Variants in DDI2 observed in about 807,000 individuals in gnomAD.
DDI2 encodes DDI proteasomal shuttling factor 2, also known as protein DDI1 homolog 2.
DDI2 carries 5 observed loss-of-function variants against 48.1 expected under a neutral mutation model. That is an observed-to-expected ratio of 0.10 (90% CI 0.05 to 0.22). DDI2 has a LOEUF of 0.22. DDI2 is among the 10% of genes least tolerant of loss of function. The pLI, the probability that DDI2 is intolerant of heterozygous loss-of-function variation, is 1.00. For missense variants in DDI2, 285 were observed against 506.2 expected (o/e 0.56, Z 4.19); for synonymous variants, 205 against 183.6 (o/e 1.12, Z -0.94).
At position 15,663,089 on chromosome 1, in the gene DDI2, G is replaced by A. The variant is rs1195194564; in HGVS notation, c.*3299G>A. 2 of 152,118 alleles carry A rather than the reference G, an allele frequency of 1.3e-5. No individual in the cohort carries two copies. The highest frequency in any genetic ancestry group is 6.6e-5 in the Admixed American group (1 of 15,264). The allele number at this position is 152,118 out of a possible 1,614,324, so 9.4% of individuals were successfully genotyped here. A position where few individuals can be genotyped will look rare whatever the true frequency, so the allele number is the denominator to read the frequency against. ...GGCAAACTGCTCTTTTGGGTACCTAGCAGGAATCTGAAGTCTTGGTTTTAT... is the reference window on the plus strand; with the variant it reads ...GGCAAACTGCTCTTTTGGGTACCTAACAGGAATCTGAAGTCTTGGTTTTAT... On this transcript the variant is annotated 3_prime_UTR_variant, in exon 10 of 10. Coordinates refer to ENST00000480945, the MANE Select transcript of DDI2 (RefSeq NM_032341.5).
intron 6 of DDI2, among the ~76,000 whole-genome samples, chr1:15,644,796 T>A (rs1640063935): frequency 1.3e-5 from 2 of 151,876 alleles, no homozygotes; most frequent in African/African-American, 4.8e-5. Context: ...GGTTTCACCG[T>A]GTTAGCCAGG....
Position 15,623,338 on chromosome 1 carries a change from G to C in DDI2, c.139-3331G>C, listed in dbSNP as rs74808721. Among the ~76,000 whole-genome samples, 1,279 of 151,080 alleles carry C rather than the reference G, an allele frequency of 8.5e-3. 18 individuals carry two copies. Among genetic ancestry groups the C allele is most frequent in the African/African-American group, 0.029 (1,172 of 41,012 alleles). On this transcript the variant is annotated intron_variant, in intron 1 of 9. Coordinates refer to ENST00000480945, the MANE Select transcript of DDI2 (RefSeq NM_032341.5). ...CGGGAAAGCTGTATATGATACTCCT[G>C]GAGTAATGGGCTTTGAAATTAGACA...
chr1:15,641,910 G>A (rs1016753685), intron 5 of DDI2, among the ~76,000 whole-genome samples: 1 of 138,360 alleles, frequency 7.2e-6, no homozygotes, highest in African/African-American at 2.8e-5. Flanking sequence ...AGCCGAGATT[G>A]CACCATTACA....
chr1:15,624,574 C>A (rs1639722454), intron 1 of DDI2, among the ~76,000 whole-genome samples: 1 of 152,032 alleles, frequency 6.6e-6, no homozygotes, highest in Non-Finnish European at 1.5e-5. Context: ...CTCAAGCAAT[C>A]CTCCTGCCTC....
intron 4 of DDI2, among the ~76,000 whole-genome samples, chr1:15,637,248 G>C (rs927166163): frequency 2.3e-4 from 35 of 152,140 alleles, no homozygotes; most frequent in Non-Finnish European, 8.8e-5. Context: ...GGAGAGATGG[G>C]GTTTCACCAT....
intron 6 of DDI2, among the ~76,000 whole-genome samples, chr1:15,647,988 A>T (rs1003850688): frequency 1.3e-5 from 2 of 152,192 alleles, no homozygotes; most frequent in Non-Finnish European, 2.9e-5. Context: ...TTTTACAAAT[A>T]AAAGAGTGGT....
At chr1:15,654,429 G>A (rs538025245) in intron 8 of DDI2, among the ~76,000 whole-genome samples, 28 of 152,200 alleles carry the variant, frequency 1.8e-4, no homozygotes, top group African/African-American at 5.8e-4. Context: ...AAGGCAGGAC[G>A]ACCACTTGAG....
At chr1:15,645,780 G>T (rs1640081264) in intron 6 of DDI2, among the ~76,000 whole-genome samples, 1 of 151,776 alleles carries the variant, frequency 6.6e-6, no homozygotes, top group Non-Finnish European at 1.5e-5. Context: ...TAAGGCAGGA[G>T]GATTGCTTGA....
rs1172510038 is a variant in DDI2, at chr1:15,638,421, C to T, written c.747C>T (p.Ala249=). The T allele has an allele frequency of 1.2e-6, 2 of 1,613,010 alleles. No individual in the cohort carries two copies. Among genetic ancestry groups the T allele is most frequent in the Admixed American group, 1.7e-5 (1 of 59,900 alleles). Residue 249 remains alanine (A), a synonymous_variant, in exon 5 of 10, where the codon GCC becomes GCT. Transcript: ENST00000480945. ...AAGTGAATGGACATCCTGTGAAAGC[C>T]TTTGTTGACTCAGGTGACGTCTCTG... ...NCKVNGHPVK[A]FVDSGAQMTI...
chr1:15,632,831 C>A (rs1440808383), intron 3 of DDI2, among the ~76,000 whole-genome samples: 1 of 151,310 alleles, frequency 6.6e-6, no homozygotes, highest in Non-Finnish European at 1.5e-5. Context: ...GGTCACTCCC[C>A]ACCATTTTAA....
intron 1 of DDI2, among the ~76,000 whole-genome samples, chr1:15,622,964 T>A (rs1364803667): frequency 6.6e-6 from 1 of 152,160 alleles, no homozygotes; most frequent in African/African-American, 2.4e-5. Context: ...TCCAGGAAAT[T>A]GGCGCTGAAG....
At chr1:15,639,528 C>T (rs1054533698) in intron 5 of DDI2, among the ~76,000 whole-genome samples, 2 of 152,158 alleles carry the variant, frequency 1.3e-5, no homozygotes, top group Admixed American at 6.5e-5. Flanking sequence ...TGCAGTGGTG[C>T]AGTCAGCTCA....
At chr1:15,644,568 T>C (rs1408717960) in intron 6 of DDI2, among the ~76,000 whole-genome samples, 1 of 150,688 alleles carries the variant, frequency 6.6e-6, no homozygotes, top group Non-Finnish European at 1.5e-5. Flanking sequence ...AAGTTTTCTT[T>C]TTCTTTTCAG....
chr1:15,664,933 C>G lies in DDI2; in HGVS notation c.*5143C>G, dbSNP rs1332366698. ...GCTCCAGACAGCCAATAGCCTTCAT[C>G]CCACAGTTTGGGCTTCAGCTATTAA... is the stretch of plus-strand genomic sequence containing the variant. On this transcript the variant is annotated 3_prime_UTR_variant, in exon 10 of 10. Transcript: ENST00000480945. The G allele has an allele frequency of 6.6e-6, 1 of 152,208 alleles. No homozygotes were observed. Among genetic ancestry groups the G allele is most frequent in the Admixed American group, 6.5e-5 (1 of 15,270 alleles). 9.4% of individuals were successfully genotyped at this position (152,208 alleles called of 1,614,324 possible).
At position 15,668,206 on chromosome 1, in the gene DDI2, C is replaced by A. The variant is rs1640482557; in HGVS notation, c.*8416C>A. On this transcript the variant is annotated 3_prime_UTR_variant, in exon 10 of 10. Transcript: ENST00000480945. ...AACCCTGAATGAATGTGTCTATGGCCTAAAAATGGTAGACCTGTATTTCCT... is the reference window on the plus strand; with the variant it reads ...AACCCTGAATGAATGTGTCTATGGCATAAAAATGGTAGACCTGTATTTCCT... 6.6e-6 allele frequency: 1 copy of A among 152,062 alleles called. No individual in the cohort carries two copies. Among genetic ancestry groups the A allele is most frequent in the South Asian group, 2.1e-4 (1 of 4,814 alleles). 9.4% of individuals were successfully genotyped at this position (152,062 alleles called of 1,614,324 possible).
intron 6 of DDI2, among the ~76,000 whole-genome samples, chr1:15,646,228 T>A (rs1640087732): frequency 1.3e-5 from 2 of 152,210 alleles, no homozygotes; most frequent in Non-Finnish European, 2.9e-5. Context: ...CTGCTTTGGG[T>A]CCATCTCTCC....
chr1:15,635,648 A>G (rs1292292863), intron 4 of DDI2, among the ~76,000 whole-genome samples: 1 of 151,636 alleles, frequency 6.6e-6, no homozygotes, highest in Non-Finnish European at 1.5e-5. Flanking sequence ...CAGGTGATCC[A>G]CCCTCCTCAT....
Position 15,665,262 on chromosome 1 carries a change from CAAAAA to C in DDI2, c.*5486_*5490del, listed in dbSNP as rs1220947128. 30 of 95,938 alleles carry C rather than the reference CAAAAA, an allele frequency of 3.1e-4. No homozygotes were observed. The highest frequency in any genetic ancestry group is 3.9e-4 in the South Asian group (1 of 2,544). 5.9% of individuals were successfully genotyped at this position (95,938 alleles called of 1,614,324 possible). On this transcript the variant is annotated 3_prime_UTR_variant, in exon 10 of 10. Coordinates refer to ENST00000480945, the MANE Select transcript of DDI2 (RefSeq NM_032341.5). ...GGGCAACAAGAGCAAAACTCTGTCTCAAAAAAAAAAAAAAAAAAGGTAACCAGTTG... is the reference window on the plus strand; with the variant it reads ...GGGCAACAAGAGCAAAACTCTGTCTCAAAAAAAAAAAAAGGTAACCAGTTG...
In DDI2 at chr1:15,660,850, C is replaced by T; in HGVS notation, c.*1060C>T. On this transcript the variant is annotated 3_prime_UTR_variant, in exon 10 of 10. Coordinates refer to ENST00000480945, the MANE Select transcript of DDI2 (RefSeq NM_032341.5). ...ACCTGGAACAAATAAAGAATATGGC[C>T]ATTACTCCTCTCCAAGTCTCTGTGG... 1.2e-6 allele frequency: 2 copies of T among 1,614,130 alleles called. No homozygotes were observed. Among genetic ancestry groups the T allele is most frequent in the Non-Finnish European group, 1.7e-6 (2 of 1,180,022 alleles).
Sources: gnomAD v4.1 joint callset for allele counts (sites outside exome capture counted in the v4.1 genomes callset) on GRCh38, gnomAD v4.1.1 for gene constraint, MANE v1.5 for transcripts, NCBI Gene and HGNC (gene_info 2026-07-23, HGNC 2026-07-21) for gene names.